HTT: variants seen among roughly 807,000 people sequenced by gnomAD.
The protein encoded by HTT is huntingtin.
HTT carries 104 observed loss-of-function variants against 362.3 expected under a neutral mutation model. The ratio of observed to expected loss-of-function variants is 0.29; its 90% confidence interval spans 0.24 to 0.34. The LOEUF is 0.34. Among genes scored for constraint, HTT ranks in the 10% least tolerant of loss-of-function variants. HTT has a pLI of 1.00. For missense variants in HTT, 3,301 were observed against 3,928.6 expected (o/e 0.84, Z 4.27); for synonymous variants, 1,577 against 1,548.7 (o/e 1.02, Z -0.43).
chr4:3,172,260 G>A (rs1718020134), intron 29 of HTT, 60 bp from the exon 30 acceptor site: 1 of 931,724 alleles, frequency 1.1e-6, no homozygotes, highest in African/African-American at 1.6e-5. Flanking sequence ...TTTCTGTCTA[G>A]GATTCGTACA....
chr4:3,236,065 C>T, intron 63 of HTT, 84 bp from the exon 64 acceptor site: 1 of 994,840 alleles, frequency 1.0e-6, no homozygotes, highest in Non-Finnish European at 1.6e-6. Flanking sequence ...CAGGGACTCA[C>T]TGGACCCCTG....
At chr4:3,097,105 T>G (rs934132825) in intron 2 of HTT, among the ~76,000 whole-genome samples, 18 of 152,050 alleles carry the variant, frequency 1.2e-4, no homozygotes, top group African/African-American at 4.3e-4. Context: ...GGCAACAGAA[T>G]GAGACCCTGT....
At position 3,199,887 on chromosome 4, in the gene HTT, C is replaced by T; in HGVS notation, c.5524C>T (p.Leu1842Phe). The T allele has an allele frequency of 6.2e-7, 1 of 1,614,168 alleles. No individual in the cohort carries two copies. Among genetic ancestry groups the T allele is most frequent in the East Asian group, 2.2e-5 (1 of 44,876 alleles). ...GCTGCTCTGGTGTCAGATACTGCTG[C>T]TTGTCAACCACACCGACTACCGCTG... ...LVLLWCQILL[L>F]VNHTDYRWWA... Residue 1842 changes from leucine (L) to phenylalanine (F), a missense_variant, in exon 41 of 67, where the codon CTT (leucine) becomes TTT (phenylalanine). Coordinates refer to ENST00000355072, the MANE Select transcript of HTT (RefSeq NM_001388492.1).
At chr4:3,235,493 G>C in intron 62 of HTT, 72 bp from the exon 63 acceptor site, 2 of 1,542,012 alleles carry the variant, frequency 1.3e-6, no homozygotes, top group Non-Finnish European at 9.0e-7. Flanking sequence ...GTTTTGACTT[G>C]GTCGGGAGGA....
At chr4:3,200,367 T>C (rs1027032436) in intron 41 of HTT, among the ~76,000 whole-genome samples, 2 of 152,240 alleles carry the variant, frequency 1.3e-5, no homozygotes, top group Admixed American at 6.5e-5. Context: ...CAAAACCTCT[T>C]GGAAATGTTA....
chr4:3,189,155 C>A, intron 40 of HTT, 62 bp downstream of exon 40: 1 of 1,498,738 alleles, frequency 6.7e-7, no homozygotes. Flanking sequence ...TATACACTCT[C>A]AGAGTGTAGG....
chr4:3,215,091 T>C lies in HTT; in HGVS notation c.6953-19T>C, dbSNP rs770947137. The stretch of plus-strand genomic sequence containing the variant: ...GGAAGTGTGTAGAAATTCTTCTCTT[T>C]GTTCTGTTGTAATTTTAGTTGCAGT... On this transcript the variant is annotated intron_variant, in intron 50 of 66. Coordinates refer to ENST00000355072, the MANE Select transcript of HTT (RefSeq NM_001388492.1). 6.3e-7 allele frequency: 1 copy of C among 1,582,316 alleles called. No homozygotes were observed. Among genetic ancestry groups the C allele is most frequent in the South Asian group, 1.1e-5 (1 of 89,826 alleles).
chr4:3,207,749 C>G (rs1372253488), intron 45 of HTT, among the ~76,000 whole-genome samples: 2 of 152,222 alleles, frequency 1.3e-5, no homozygotes, highest in Admixed American at 6.5e-5. Flanking sequence ...TTACTCAATC[C>G]TTGGCATGCA....
At chr4:3,118,492 G>A (rs1266414445) in intron 8 of HTT, among the ~76,000 whole-genome samples, 1 of 152,202 alleles carries the variant, frequency 6.6e-6, no homozygotes, top group African/African-American at 2.4e-5. Context: ...GAGCTTTATA[G>A]ACAGAAAATG....
At position 3,178,154 on chromosome 4, in the gene HTT, G is replaced by A. The variant is rs181197636; in HGVS notation, c.4464-144G>A. ...CACAGATGGGATGCACTGTGGCAGG[G>A]GTGGGGTTAGAGTAGATCACGGACA... On this transcript the variant is annotated intron_variant, in intron 34 of 66. Transcript: ENST00000355072. 1,181 of 645,470 alleles carry A rather than the reference G, an allele frequency of 1.8e-3. 7 individuals are homozygous for A. Among genetic ancestry groups the A allele is most frequent in the Middle Eastern group, 3.8e-3 (9 of 2,344 alleles). 40.0% of individuals were successfully genotyped at this position (645,470 alleles called of 1,614,324 possible). A position where few individuals can be genotyped will look rare whatever the true frequency, so the allele number is the denominator to read the frequency against.
At chr4:3,235,238 C>T (rs749448959) in intron 61 of HTT, 46 bp from the exon 62 acceptor site, 25 of 1,323,094 alleles carry the variant, frequency 1.9e-5, no homozygotes, top group Middle Eastern at 2.3e-4. Context: ...GCCCTCTCCA[C>T]GTTGGATGGG....
chr4:3,216,506 A>G (rs970898076), intron 51 of HTT, among the ~76,000 whole-genome samples: 2 of 152,230 alleles, frequency 1.3e-5, no homozygotes, highest in Non-Finnish European at 2.9e-5. Flanking sequence ...CAGTCTTGTT[A>G]TGAATACTCA....
At chr4:3,202,418 A>G (rs752966216) in intron 41 of HTT, among the ~76,000 whole-genome samples, 9 of 152,128 alleles carry the variant, frequency 5.9e-5, no homozygotes, top group Non-Finnish European at 1.2e-4. Context: ...TATTATTGCA[A>G]AGTGCACAAT....
chr4:3,168,340 T>C lies in HTT; in HGVS notation c.3865-3980T>C, dbSNP rs1717810038. 4.6e-5 allele frequency among the ~76,000 whole-genome samples: 7 copies of C among 152,326 alleles called. No individual in the cohort carries two copies. The South Asian group carries it at 1.5e-3, about 32-fold the overall frequency. ...CTGGGTGTTGAGGTCTGAGCACAAG[T>C]GTAGCTGGAGAGGTGAGCTTGATGT... On this transcript the variant is annotated intron_variant, in intron 29 of 66. Transcript: ENST00000355072.
intron 21 of HTT, among the ~76,000 whole-genome samples, chr4:3,138,103 TCCTTCCTC>T (rs1221392719): frequency 6.6e-6 from 1 of 150,538 alleles, no homozygotes; most frequent in African/African-American, 2.5e-5. Flanking sequence ...CTTCCTTCTT[TCCTTCCTC>T]CCTTCCTCCC....
At chr4:3,238,730 G>GCCCCCCCCCCCCCCCCCCCCCCCCC in intron 65 of HTT, 88 bp from the exon 66 acceptor site, 4 of 1,097,006 alleles carry the variant, frequency 3.6e-6, no homozygotes, top group East Asian at 2.5e-5. Context: ...AATGCCTCTG[G>GCCCCCCCCCCCCCCCCCCCCCCCCC]CCCCCACCCC....
At chr4:3,103,192 A>ATT (rs1714244633) in intron 3 of HTT, among the ~76,000 whole-genome samples, 1 of 145,104 alleles carries the variant, frequency 6.9e-6, no homozygotes, top group South Asian at 2.2e-4. Context: ...TTTAGGATTT[A>ATT]TTATATATAT....
Position 3,142,746 on chromosome 4 carries a change from C to T in HTT, c.2946-20C>T. The T allele has an allele frequency of 7.9e-7, 1 of 1,271,416 alleles. No individual in the cohort carries two copies. 78.8% of individuals were successfully genotyped at this position (1,271,416 alleles called of 1,614,324 possible). On this transcript the variant is annotated intron_variant, in intron 22 of 66. Transcript: ENST00000355072. The stretch of plus-strand genomic sequence containing the variant: ...TATGTTTTAATAGTGTATTTTAAGT[C>T]TCTATATTTTTGTTATTAGAATATA...
Position 3,132,906 on chromosome 4 carries a change from G to C in HTT, c.2488G>C (p.Val830Leu). ...SVTCKLACTA[V>L]RNCVMSLCSS... ...TACTTGCAAGTTAGCTTGTACAGCT[G>C]TGAGGGTGAGCATAATCTTCTGTGG... is the stretch of plus-strand genomic sequence containing the variant. The change falls in exon 18 of 67, where the codon GTG becomes CTG. Residue 830 changes from valine to leucine, a missense_variant. This residue lies in a region of HTT where 2,316 missense variants were observed against 2,658.5 expected (regional missense o/e 0.87). Coordinates refer to ENST00000355072, the MANE Select transcript of HTT (RefSeq NM_001388492.1). The C allele has an allele frequency of 6.2e-7, 1 of 1,604,572 alleles. No homozygotes were observed. The highest frequency in any genetic ancestry group is 1.3e-5 in the African/African-American group (1 of 74,824).
Sources: allele counts gnomAD v4.1 joint callset (sites outside exome capture counted in the v4.1 genomes callset), GRCh38; gene constraint gnomAD v4.1.1; regional missense constraint gnomAD v4.1.1; transcripts MANE v1.5; gene names NCBI Gene and HGNC (gene_info 2026-07-23, HGNC 2026-07-21).